RAB38: variants seen among roughly 807,000 people sequenced by gnomAD.
The protein encoded by RAB38 is RAB38, member RAS oncogene family.
RAB38 carries 15 observed loss-of-function variants against 18.4 expected under a neutral mutation model. The ratio of observed to expected loss-of-function variants is 0.82; its 90% confidence interval spans 0.55 to 1.26. The LOEUF (loss-of-function observed/expected upper bound fraction) is 1.26. RAB38 is among the 50% of genes most tolerant of loss of function. The pLI, the probability that RAB38 is intolerant of heterozygous loss-of-function variation, is 0.00. For synonymous variants in RAB38, 101 were observed against 104.4 expected (o/e 0.97, Z 0.20); for missense variants, 294 against 267.4 (o/e 1.10, Z -0.69).
At chr11:88,050,477 T>TCATG in the RAB38 span, among the ~76,000 whole-genome samples, 1 of 152,222 alleles carries the variant, frequency 6.6e-6, no homozygotes. Flanking sequence ...GTATGCCTAC[T>TCATG]CATGCACTCA....
At chr11:88,095,950 G>C in the RAB38 span, among the ~76,000 whole-genome samples, 1 of 151,828 alleles carries the variant, frequency 6.6e-6, no homozygotes, top group Non-Finnish European at 1.5e-5. Context: ...CTGCTACCCT[G>C]GTTCAAGGCA....
the RAB38 span, among the ~76,000 whole-genome samples, chr11:87,852,666 A>G: frequency 3.9e-5 from 6 of 152,188 alleles, no homozygotes; most frequent in African/African-American, 1.2e-4. Flanking sequence ...ATTAAGTATC[A>G]TTTATATCTT....
chr11:87,907,325 G>C, the RAB38 span, among the ~76,000 whole-genome samples: 1 of 151,878 alleles, frequency 6.6e-6, no homozygotes, highest in African/African-American at 2.4e-5. Flanking sequence ...ATTTGGTTAT[G>C]AGCTATTTGT....
chr11:87,918,339 C>T, the RAB38 span, among the ~76,000 whole-genome samples: 160 of 152,106 alleles, frequency 1.1e-3, 2 homozygotes, highest in South Asian at 3.7e-3. Flanking sequence ...AATAATGCTG[C>T]GATGAACGTG....
chr11:88,061,643 G>T, the RAB38 span: 1 of 152,146 alleles, frequency 6.6e-6, no homozygotes, highest in African/African-American at 2.4e-5. Context: ...ATTGTCTATA[G>T]GAAGAGAAAT....
the RAB38 span, among the ~76,000 whole-genome samples, chr11:87,936,024 T>A: frequency 6.6e-6 from 1 of 152,140 alleles, no homozygotes; most frequent in Non-Finnish European, 1.5e-5. Flanking sequence ...TGCTGTTGAG[T>A]TTTGAGAATT....
the RAB38 span, among the ~76,000 whole-genome samples, chr11:88,012,349 G>A: frequency 6.6e-6 from 1 of 152,140 alleles, no homozygotes; most frequent in Non-Finnish European, 1.5e-5. Context: ...GCCAGCAGCA[G>A]GAAAAGACAC....
At chr11:87,893,817 C>A in the RAB38 span, among the ~76,000 whole-genome samples, 1 of 151,722 alleles carries the variant, frequency 6.6e-6, no homozygotes, top group South Asian at 2.1e-4. Context: ...CTTAGAAAAA[C>A]TTTGGGGTAG....
At chr11:87,843,725 T>C in the RAB38 span, among the ~76,000 whole-genome samples, 1 of 152,192 alleles carries the variant, frequency 6.6e-6, no homozygotes, top group Admixed American at 6.5e-5. Context: ...GTTGTGAGGA[T>C]TAAATGAGAA....
At chr11:88,121,353 T>C (rs765044210) in intron 2 of RAB38, among the ~76,000 whole-genome samples, 12 of 152,206 alleles carry the variant, frequency 7.9e-5, no homozygotes, top group Non-Finnish European at 1.2e-4. Context: ...ATGGCATGTA[T>C]TTTACTGGTA....
the RAB38 span, among the ~76,000 whole-genome samples, chr11:87,812,120 A>G: frequency 8.5e-5 from 13 of 152,232 alleles, no homozygotes; most frequent in Admixed American, 8.5e-4. Context: ...AGAAAAACTC[A>G]ACATTTAGGA....
chr11:87,873,219 A>G, the RAB38 span, among the ~76,000 whole-genome samples: 340 of 151,678 alleles, frequency 2.2e-3, no homozygotes, highest in Non-Finnish European at 4.2e-3. Context: ...GCATCTTTTC[A>G]TATGCTTACT....
chr11:88,174,620 C>CAAAAAAAA (rs60026669), intron 1 of RAB38, among the ~76,000 whole-genome samples: 272 of 100,712 alleles, frequency 2.7e-3, no homozygotes, highest in Non-Finnish European at 3.2e-3. Flanking sequence ...AAGCAAAAAG[C>CAAAAAAAA]AAAAAAAAAA....
the RAB38 span, among the ~76,000 whole-genome samples, chr11:88,044,854 C>A: frequency 1.3e-5 from 2 of 152,090 alleles, no homozygotes; most frequent in African/African-American, 4.8e-5. Flanking sequence ...GAGCCAGGTC[C>A]CAATTCTTCC....
chr11:88,133,157 T>C (rs1216175446), intron 2 of RAB38, among the ~76,000 whole-genome samples: 1 of 152,144 alleles, frequency 6.6e-6, no homozygotes, highest in Admixed American at 6.5e-5. Context: ...GATTACAGTG[T>C]CCAGGTAAGA....
At chr11:87,938,298 T>C in the RAB38 span, among the ~76,000 whole-genome samples, 1 of 152,032 alleles carries the variant, frequency 6.6e-6, no homozygotes, top group Non-Finnish European at 1.5e-5. Context: ...CTAGGTTGTC[T>C]TTGACACCAT....
chr11:88,044,268 C>T, the RAB38 span, among the ~76,000 whole-genome samples: 4 of 152,272 alleles, frequency 2.6e-5, no homozygotes, highest in South Asian at 4.1e-4. Flanking sequence ...GAAAGTACTG[C>T]TTCTCTGGTG....
chr11:87,815,611 G>A, the RAB38 span: 12 of 152,168 alleles, frequency 7.9e-5, no homozygotes, highest in African/African-American at 2.9e-4. Flanking sequence ...AAAATGAAAT[G>A]GAAGGCGTAA....
chr11:87,865,770 GA>G, the RAB38 span, among the ~76,000 whole-genome samples: 1 of 151,674 alleles, frequency 6.6e-6, no homozygotes, highest in Non-Finnish European at 1.5e-5. Context: ...CGCAGACTTG[GA>G]AAACCAGTCA....
Sources: gnomAD v4.1 joint callset for allele counts (sites outside exome capture counted in the v4.1 genomes callset) on GRCh38, gnomAD v4.1.1 for gene constraint, MANE v1.5 for transcripts, NCBI Gene and HGNC (gene_info 2026-07-23, HGNC 2026-07-21) for gene names.